OR7E24: variants seen among roughly 807,000 people sequenced by gnomAD.
OR7E24 encodes olfactory receptor family 7 subfamily E member 24.
For missense variants in OR7E24, 385 were observed against 410.3 expected (o/e 0.94, Z 0.53); for synonymous variants, 130 against 157.5 (o/e 0.83, Z 1.31).
At chr19:9,214,349 C>T in the OR7E24 span, 3 of 1,614,124 alleles carry the variant, frequency 1.9e-6, no homozygotes, top group South Asian at 1.1e-5. Flanking sequence ...TCAACCTCTT[C>T]ATCAGTAGAA....
At chr19:9,213,297 G>A in the OR7E24 span, 1 of 152,304 alleles carries the variant, frequency 6.6e-6, no homozygotes, top group Non-Finnish European at 1.5e-5. Flanking sequence ...AGAAAGAGTG[G>A]TAAGAAAACT....
At position 9,252,132 on chromosome 19, in the gene OR7E24, T is replaced by C. The variant is rs1181017304; in HGVS notation, c.*69T>C. On this transcript the variant is annotated 3_prime_UTR_variant, in exon 1 of 1. Coordinates refer to ENST00000456448, the MANE Select transcript of OR7E24 (RefSeq NM_001079935.2). ...CCTTGGTCACATTATTTTGGTTGCT[T>C]GATGGCTTTCATTCCTCTCTGGGTT... 6.0e-6 allele frequency: 8 copies of C among 1,344,068 alleles called. No individual in the cohort carries two copies. The allele number at this position is 1,344,068 out of a possible 1,614,324, so 83.3% of individuals were successfully genotyped here.
At chr19:9,223,281 A>G in the OR7E24 span, among the ~76,000 whole-genome samples, 159 of 152,354 alleles carry the variant, frequency 1.0e-3, 1 homozygote, top group East Asian at 0.028. Context: ...AAGCAGCACC[A>G]GCTCAATGGA....
At chr19:9,240,927 C>G in the OR7E24 span, among the ~76,000 whole-genome samples, 2 of 152,102 alleles carry the variant, frequency 1.3e-5, no homozygotes, top group Non-Finnish European at 2.9e-5. Context: ...AAGTGATTCT[C>G]CTGCCTCAGC....
At chr19:9,225,702 T>C in the OR7E24 span, among the ~76,000 whole-genome samples, 1 of 152,196 alleles carries the variant, frequency 6.6e-6, no homozygotes, top group Non-Finnish European at 1.5e-5. Context: ...ACTCCTTGAA[T>C]GTACACAAAA....
the OR7E24 span, among the ~76,000 whole-genome samples, chr19:9,227,823 G>C: frequency 1.4e-5 from 2 of 139,856 alleles, no homozygotes; most frequent in African/African-American, 2.7e-5. Context: ...GCGGGATCTC[G>C]GCTCACTGCA....
the OR7E24 span, among the ~76,000 whole-genome samples, chr19:9,228,308 T>C: frequency 6.6e-6 from 1 of 152,246 alleles, no homozygotes; most frequent in Non-Finnish European, 1.5e-5. Context: ...TATTACATCC[T>C]GCCAATTTTG....
the OR7E24 span, chr19:9,210,638 G>C: frequency 6.6e-6 from 1 of 151,682 alleles, no homozygotes; most frequent in African/African-American, 2.4e-5. Flanking sequence ...CTTGAATAAA[G>C]ACAGGCCAAA....
the OR7E24 span, among the ~76,000 whole-genome samples, chr19:9,218,345 TG>T: frequency 6.6e-6 from 1 of 152,216 alleles, no homozygotes; most frequent in Non-Finnish European, 1.5e-5. Context: ...GCAGGTTTAA[TG>T]TAAGAATGTC....
At chr19:9,238,027 A>T in the OR7E24 span, among the ~76,000 whole-genome samples, 1 of 152,196 alleles carries the variant, frequency 6.6e-6, no homozygotes, top group African/African-American at 2.4e-5. Context: ...CTGTAATCCC[A>T]GCACTTTGGG....
chr19:9,233,248 A>G, the OR7E24 span, among the ~76,000 whole-genome samples: 1 of 152,218 alleles, frequency 6.6e-6, no homozygotes, highest in Non-Finnish European at 1.5e-5. Flanking sequence ...ATCTCTAGGC[A>G]TCAGTATCAC....
At chr19:9,237,003 G>T in the OR7E24 span, among the ~76,000 whole-genome samples, 1 of 152,072 alleles carries the variant, frequency 6.6e-6, no homozygotes, top group Non-Finnish European at 1.5e-5. Flanking sequence ...AGTTGAGGTC[G>T]GCTATATCAG....
chr19:9,211,683 A>G, the OR7E24 span: 4 of 151,464 alleles, frequency 2.6e-5, no homozygotes, highest in Non-Finnish European at 5.9e-5. Flanking sequence ...TCTCTACTAA[A>G]AATACAAAAG....
the OR7E24 span, among the ~76,000 whole-genome samples, chr19:9,218,413 T>C: frequency 1.3e-5 from 2 of 151,922 alleles, no homozygotes; most frequent in South Asian, 4.2e-4. Flanking sequence ...AAAATCACAA[T>C]AGAAAAAATG....
At chr19:9,239,883 A>G in the OR7E24 span, among the ~76,000 whole-genome samples, 4,869 of 151,422 alleles carry the variant, frequency 0.032, 194 homozygotes, top group African/African-American at 0.099. Flanking sequence ...AAATTTTTGT[A>G]TTTTTAATAG....
chr19:9,210,322 T>C, the OR7E24 span: 1 of 152,092 alleles, frequency 6.6e-6, no homozygotes, highest in Non-Finnish European at 1.5e-5. Context: ...AACCATAATA[T>C]CTGGCTGGGC....
the OR7E24 span, among the ~76,000 whole-genome samples, chr19:9,222,118 A>G: frequency 6.6e-6 from 1 of 152,174 alleles, no homozygotes; most frequent in Non-Finnish European, 1.5e-5. Flanking sequence ...GTTGAAAATC[A>G]GTTGGCTATA....
chr19:9,251,069 T>A lies in OR7E24; in HGVS notation c.26T>A (p.Phe9Tyr). MSYFPILF[F>Y]FFLKRCPSYT... ...ATGTCCTATTTTCCAATTCTCTTTT[T>A]TTTTTTCCTCAAAAGGTGTCCGAGC... Residue 9 changes from phenylalanine (F) to tyrosine (Y), a missense_variant, in exon 1 of 1, where the codon TTT becomes TAT. Phe to Tyr is a conservative substitution (Grantham distance 22). Coordinates refer to ENST00000456448, the MANE Select transcript of OR7E24 (RefSeq NM_001079935.2). 1 of 1,597,342 alleles carries A rather than the reference T, an allele frequency of 6.3e-7. No individual in the cohort carries two copies. Among genetic ancestry groups the A allele is most frequent in the Non-Finnish European group, 8.5e-7 (1 of 1,172,160 alleles).
At chr19:9,241,063 C>T in the OR7E24 span, among the ~76,000 whole-genome samples, 6 of 152,186 alleles carry the variant, frequency 3.9e-5, no homozygotes, top group Admixed American at 6.5e-5. Context: ...GTGATCCACC[C>T]GCCTCGGCCA....
Sources: gnomAD v4.1 joint callset for allele counts (sites outside exome capture counted in the v4.1 genomes callset) on GRCh38, gnomAD v4.1.1 for gene constraint, MANE v1.5 for transcripts, NCBI Gene and HGNC (gene_info 2026-07-23, HGNC 2026-07-21) for gene names.